Variants in DENND3 observed in about 807,000 individuals in gnomAD.
The protein encoded by DENND3 is DENN domain containing 3, also known as DENN domain-containing protein 3.
Under a neutral mutation model 135.1 loss-of-function variants are expected in DENND3, and 88 were observed. The observed-to-expected ratio is 0.65, with a 90% confidence interval of 0.55 to 0.78. DENND3 has a LOEUF of 0.78. Among genes scored for constraint, DENND3 ranks in the 30% least tolerant of loss-of-function variants. DENND3 has a pLI of 0.00. For missense variants in DENND3, 1,392 were observed against 1,688.4 expected (o/e 0.82, Z 3.08); for synonymous variants, 693 against 712.3 (o/e 0.97, Z 0.43).
Position 141,175,287 on chromosome 8 carries a change from T to G in DENND3, c.2363T>G (p.Leu788Arg), listed in dbSNP as rs769470084. ...GAAGCAGAAGCCCAGGAGGTCAGTCTGCCGTGGCTGGTGATGGAACACCTG... is the reference window on the plus strand; with the variant it reads ...GAAGCAGAAGCCCAGGAGGTCAGTCGGCCGTGGCTGGTGATGGAACACCTG... ...ETEAEAQEVS[L>R]PWLVMEHLDK... Residue 788 changes from leucine (L) to arginine (R), a missense_variant, in exon 14 of 23, where the codon CTG (leucine) becomes CGG (arginine). By Grantham distance (102) the Leu-to-Arg change is moderately radical. Coordinates refer to ENST00000519811, the MANE Select transcript of DENND3 (RefSeq NM_001352890.3). This position sits in a 1 kb window ranked among gnomAD's most constrained non-coding sequence, Gnocchi z 5.4. The G allele has an allele frequency of 5.6e-6, 9 of 1,614,114 alleles. No homozygotes were observed. The highest frequency in any genetic ancestry group is 2.7e-5 in the African/African-American group (2 of 74,946).
chr8:141,176,818 C>T, intron 15 of DENND3, 57 bp downstream of exon 15: 1 of 1,587,578 alleles, frequency 6.3e-7, no homozygotes, highest in Non-Finnish European at 8.6e-7. Flanking sequence ...GGCCTCTCGC[C>T]ACCTGTGGGT....
At chr8:141,170,780 GGCAT>G (rs1821444683) in intron 13 of DENND3, among the ~76,000 whole-genome samples, 1 of 152,236 alleles carries the variant, frequency 6.6e-6, no homozygotes, top group Non-Finnish European at 1.5e-5. Flanking sequence ...AGGAGTCCAG[GGCAT>G]GCATGGAGGC....
At chr8:141,186,403 TCTCA>T (rs1213069535) in intron 18 of DENND3, among the ~76,000 whole-genome samples, 1 of 152,216 alleles carries the variant, frequency 6.6e-6, no homozygotes, top group Non-Finnish European at 1.5e-5. Context: ...ACATTATTCC[TCTCA>T]CTTAGAGCAA....
In DENND3 at chr8:141,188,997, G is replaced by A; in HGVS notation, c.3096G>A (p.Val1032=). 6.2e-7 allele frequency: 1 copy of A among 1,613,810 alleles called. No homozygotes were observed. The highest frequency in any genetic ancestry group is 8.5e-7 in the Non-Finnish European group (1 of 1,179,874). ...TGGCCTCCTGTTAGAACTGCATGGT[G>A]ATGGCCGACCAGAACCAGGTGTGGG... The part of the protein sequence containing the change: ...KVGTAKVNCM[V]MADQNQVWVG... Residue 1032 remains valine (V), a synonymous_variant, in exon 19 of 23, where the codon GTG becomes GTA. Coordinates refer to ENST00000519811, the MANE Select transcript of DENND3 (RefSeq NM_001352890.3).
At position 141,160,696 on chromosome 8, in the gene DENND3, A is replaced by T. The variant is rs775863227; in HGVS notation, c.1261A>T (p.Lys421Ter). The change falls in exon 9 of 23, where the codon AAG becomes TAG. Residue 421 changes from lysine to a stop codon, truncating the protein, a stop_gained. Transcript: ENST00000519811. LOFTEE classifies it high-confidence loss of function. ...AAHLLSSTDL[K>*]EGRAHRRSWQ... ...CCACCTCCTCTCCAGCACAGACCTG[A>T]AGGAGGGCCGAGCCCACCGGCGGTC... 6.2e-7 allele frequency: 1 copy of T among 1,613,448 alleles called. No homozygotes were observed. The highest frequency in any genetic ancestry group is 1.7e-5 in the Admixed American group (1 of 60,014).
Position 141,161,369 on chromosome 8 carries a change from C to T in DENND3, c.1352+582C>T, listed in dbSNP as rs187217283. Among the ~76,000 whole-genome samples the T allele has an allele frequency of 4.3e-4, 65 of 152,352 alleles. No homozygotes were observed. The East Asian group carries it at 9.4e-3, about 22-fold the overall frequency. On this transcript the variant is annotated intron_variant, in intron 9 of 22. Coordinates refer to ENST00000519811, the MANE Select transcript of DENND3 (RefSeq NM_001352890.3). ...TGCCTGTTAGCAAGTTTTCTTTCTC[C>T]TCATTCCACTAATTACAGCATTAGC...
chr8:141,153,420 C>T (rs1353261819), intron 7 of DENND3, among the ~76,000 whole-genome samples: 1 of 152,196 alleles, frequency 6.6e-6, no homozygotes, highest in East Asian at 1.9e-4. Context: ...TAAGTGTGCA[C>T]AAAAATAGAA....
At position 141,138,487 on chromosome 8, in the gene DENND3, G is replaced by A. The variant is rs1378369031; in HGVS notation, c.501+350G>A. 4.6e-5 allele frequency among the ~76,000 whole-genome samples: 7 copies of A among 152,060 alleles called. No homozygotes were observed. Among genetic ancestry groups the A allele is most frequent in the Non-Finnish European group, 1.0e-4 (7 of 68,024 alleles). On this transcript the variant is annotated intron_variant, in intron 3 of 22. Coordinates refer to ENST00000519811, the MANE Select transcript of DENND3 (RefSeq NM_001352890.3). This position sits in a 1 kb window ranked among gnomAD's most constrained non-coding sequence, Gnocchi z 4.8. ...TGCAACCTCCTTCTCCTGGGTTCAA[G>A]TGGTTCTCCTGCCTCAGCCTCCCGA...
At position 141,192,397 on chromosome 8, in the gene DENND3, AGAACTT is replaced by A. The variant is rs1368557116; in HGVS notation, c.3447_3452del (p.Glu1149_Phe1151delinsAsp). ...CTCCATCAAGAATTGAAGATTGAGG[AGAACTT>A]CAAAGACACCAGTACCTCCTTCCTG... On this transcript the variant is annotated inframe_deletion, in exon 21 of 23. Transcript: ENST00000519811. 1 of 1,614,236 alleles carries A rather than the reference AGAACTT, an allele frequency of 6.2e-7. No individual in the cohort carries two copies. Among genetic ancestry groups the A allele is most frequent in the Non-Finnish European group, 8.5e-7 (1 of 1,180,034 alleles).
rs745990732 is a variant in DENND3, at chr8:141,151,742, G to A, written c.979G>A (p.Val327Met). 6.2e-6 allele frequency: 10 copies of A among 1,613,984 alleles called. No homozygotes were observed. The highest frequency in any genetic ancestry group is 2.2e-5 in the East Asian group (1 of 44,894). ...TCCGCTGCAGTGGCAGCACCCCTTC[G>A]TGCCCATCCTGTCGGACCAGATGCT... Reference protein sequence around the residue: ...LYPLQWQHPFVPILSDQMLDF... With the variant: ...LYPLQWQHPFMPILSDQMLDF... The change falls in exon 7 of 23, where the codon GTG (valine) becomes ATG (methionine). Residue 327 changes from valine (V) to methionine (M), a missense_variant. By Grantham distance (21) the Val-to-Met change is conservative. Coordinates refer to ENST00000519811, the MANE Select transcript of DENND3 (RefSeq NM_001352890.3).
Position 141,137,662 on chromosome 8 carries a change from C to T in DENND3, c.386-360C>T, listed in dbSNP as rs376317411. Among the ~76,000 whole-genome samples the T allele has an allele frequency of 4.6e-5, 7 of 152,134 alleles. No individual in the cohort carries two copies. The highest frequency in any genetic ancestry group is 1.9e-4 in the East Asian group (1 of 5,188). ...TGGTCTTCAGGAATGTTAAAATGGC[C>T]GAGGTAGGAAACTCAGACGAAGCAC... On this transcript the variant is annotated intron_variant, in intron 2 of 22. Transcript: ENST00000519811. This position sits in a 1 kb window ranked among gnomAD's most constrained non-coding sequence, Gnocchi z 4.1.
intron 1 of DENND3, among the ~76,000 whole-genome samples, chr8:141,134,134 G>A (rs1399968302): frequency 6.6e-6 from 1 of 152,124 alleles, no homozygotes; most frequent in Non-Finnish European, 1.5e-5. Flanking sequence ...CTCATATGCT[G>A]CCTTGAATGT....
rs1182153654 is a variant in DENND3, at chr8:141,174,702, T to C, written c.2276-498T>C. On this transcript the variant is annotated intron_variant, in intron 13 of 22. Coordinates refer to ENST00000519811, the MANE Select transcript of DENND3 (RefSeq NM_001352890.3). This position sits in a 1 kb window ranked among gnomAD's most constrained non-coding sequence, Gnocchi z 4.6. ...ATGATTTGCTGGTAACCAAAGAGTG[T>C]GGAGGTCGGGCCAGTTACAGGAGAG... Among the ~76,000 whole-genome samples the C allele has an allele frequency of 1.3e-5, 2 of 152,106 alleles. No individual in the cohort carries two copies. The highest frequency in any genetic ancestry group is 4.8e-5 in the African/African-American group (2 of 41,398).
chr8:141,140,981 T>G (rs535455897), intron 3 of DENND3, among the ~76,000 whole-genome samples: 1 of 152,382 alleles, frequency 6.6e-6, no homozygotes, highest in South Asian at 2.1e-4. Context: ...GGGGCAGGAA[T>G]GCATCTTGCT....
rs1306385139 is a variant in DENND3, at chr8:141,154,604, C to G, written c.1075-1245C>G. 6.6e-6 allele frequency among the ~76,000 whole-genome samples: 1 copy of G among 151,586 alleles called. No homozygotes were observed. The highest frequency in any genetic ancestry group is 6.6e-5 in the Admixed American group (1 of 15,222). ...TGAGATGGAGTTTCGCTCTTGTTGCCCAGGCTGGAGTGCAATGGCACGATC... is the reference window on the plus strand; with the variant it reads ...TGAGATGGAGTTTCGCTCTTGTTGCGCAGGCTGGAGTGCAATGGCACGATC... On this transcript the variant is annotated intron_variant, in intron 7 of 22. Transcript: ENST00000519811. The surrounding 1 kb of genome is among the most constrained non-coding windows in gnomAD (Gnocchi z 4.4).
At position 141,138,844 on chromosome 8, in the gene DENND3, G is replaced by A. The variant is rs773819543; in HGVS notation, c.501+707G>A. ...CCAGTGCCCCGTGGCCTTTTATGGC[G>A]AGTGACATTCCATCGTTTGGATGGA... is the stretch of plus-strand genomic sequence containing the variant. On this transcript the variant is annotated intron_variant, in intron 3 of 22. Transcript: ENST00000519811. This position sits in a 1 kb window ranked among gnomAD's most constrained non-coding sequence, Gnocchi z 4.8. Among the ~76,000 whole-genome samples, 8 of 152,202 alleles carry A rather than the reference G, an allele frequency of 5.3e-5. No individual in the cohort carries two copies. The highest frequency in any genetic ancestry group is 8.8e-5 in the Non-Finnish European group (6 of 68,050).
Position 141,163,434 on chromosome 8 carries a change from G to A in DENND3, c.1449+5G>A. 6.3e-7 allele frequency: 1 copy of A among 1,596,700 alleles called. No homozygotes were observed. The highest frequency in any genetic ancestry group is 1.3e-5 in the African/African-American group (1 of 74,602). ...GACCATCAGTTTTATAAGCAGGTGA[G>A]AGCTGTGGGATTTGGGTGTGCCTGT... On this transcript the variant is annotated splice_donor_5th_base_variant and intron_variant, in intron 10 of 22. Transcript: ENST00000519811.
At chr8:141,189,401 G>T (rs1248857296) in intron 19 of DENND3, among the ~76,000 whole-genome samples, 1 of 152,246 alleles carries the variant, frequency 6.6e-6, no homozygotes, top group Non-Finnish European at 1.5e-5. Flanking sequence ...AGCTTGCTGT[G>T]GGCACTGTGG....
In DENND3 at chr8:141,174,820, G is replaced by A. The variant is rs1000905279; in HGVS notation, c.2276-380G>A. ...TAGCTCCCCTTGTGACCCCAAGACA[G>A]TGGCCAGCAGTTCTAGTGATGAGGA... On this transcript the variant is annotated intron_variant, in intron 13 of 22. Coordinates refer to ENST00000519811, the MANE Select transcript of DENND3 (RefSeq NM_001352890.3). The surrounding 1 kb of genome is among the most constrained non-coding windows in gnomAD (Gnocchi z 4.6). Among the ~76,000 whole-genome samples the A allele has an allele frequency of 3.3e-5, 5 of 152,226 alleles. No individual in the cohort carries two copies. Among genetic ancestry groups the A allele is most frequent in the African/African-American group, 2.4e-5 (1 of 41,464 alleles).
Sources: allele counts gnomAD v4.1 joint callset (sites outside exome capture counted in the v4.1 genomes callset), GRCh38; gene constraint gnomAD v4.1.1; non-coding constraint Gnocchi (gnomAD v3.1); transcripts MANE v1.5; gene names NCBI Gene and HGNC (gene_info 2026-07-23, HGNC 2026-07-21).